Variants in DOCK8 observed in about 807,000 individuals in gnomAD.
DOCK8 encodes the protein dedicator of cytokinesis 8, also known as dedicator of cytokinesis protein 8.
In DOCK8, 141 loss-of-function variants were observed where a neutral mutation model predicts 245.6. The observed-to-expected ratio is 0.57, with a 90% confidence interval of 0.50 to 0.66. The LOEUF (loss-of-function observed/expected upper bound fraction) is 0.66. Ranked by LOEUF, DOCK8 falls within the 30% of genes least tolerant of loss-of-function variation. DOCK8 has a pLI of 0.00. For missense variants in DOCK8, 2,965 were observed against 2,603.4 expected (o/e 1.14, Z -3.02); for synonymous variants, 1,168 against 970.2 (o/e 1.20, Z -3.79).
intron 2 of DOCK8, chr9:273,045 C>T (rs558649244): frequency 2.4e-5 from 24 of 985,280 alleles, no homozygotes; most frequent in African/African-American, 1.9e-4. Context: ...TTCCGGTAAC[C>T]GCCATTTTGT....
chr9:440,466 C>T (rs1343439228), intron 40 of DOCK8, among the ~76,000 whole-genome samples: 2 of 152,160 alleles, frequency 1.3e-5, no homozygotes, highest in Admixed American at 6.5e-5. Context: ...AGTTTCCTCT[C>T]TACAATTTTA....
chr9:350,170 T>G (rs933857708), intron 14 of DOCK8, among the ~76,000 whole-genome samples: 2 of 152,196 alleles, frequency 1.3e-5, no homozygotes, highest in African/African-American at 4.8e-5. Context: ...TGGAGTGCAG[T>G]GGTACGATTC....
chr9:382,464 T>C (rs777293286), intron 21 of DOCK8, 49 bp from the exon 22 acceptor site: 10 of 1,611,044 alleles, frequency 6.2e-6, no homozygotes, highest in African/African-American at 4.0e-5. Flanking sequence ...ACTCAGTAAG[T>C]AACTCTGTTC....
chr9:428,596 A>G, intron 35 of DOCK8, 100 bp downstream of exon 35: 3 of 1,431,120 alleles, frequency 2.1e-6, no homozygotes, highest in Admixed American at 1.8e-5. Context: ...CACAGAGCAT[A>G]TTAAGTGGCA....
In DOCK8 at chr9:418,185, G is replaced by C; in HGVS notation, c.3818G>C (p.Ser1273Thr). The change falls in exon 30 of 48, where the codon AGT (serine) becomes ACT (threonine). Residue 1273 changes from serine to threonine, a missense_variant. Ser to Thr is a moderately conservative substitution (Grantham distance 58). Transcript: ENST00000432829. ...GGGAATAATTTCAATTTGAAAACAAGTGGAATAGTGCTGTCTTCCTTGGTA... is the reference window on the plus strand; with the variant it reads ...GGGAATAATTTCAATTTGAAAACAACTGGAATAGTGCTGTCTTCCTTGGTA... ...IAGNNFNLKT[S>T]GIVLSSLPYK... is the part of the protein sequence containing the mutation. The C allele has an allele frequency of 6.2e-7, 1 of 1,614,232 alleles. No individual in the cohort carries two copies. The highest frequency in any genetic ancestry group is 1.6e-4 in the Middle Eastern group (1 of 6,062).
At chr9:413,184 G>T (rs992351214) in intron 28 of DOCK8, among the ~76,000 whole-genome samples, 1 of 152,146 alleles carries the variant, frequency 6.6e-6, no homozygotes, top group Non-Finnish European at 1.5e-5. Flanking sequence ...AATAAATGGT[G>T]TTGGGACAAC....
chr9:452,178 AC>A, intron 46 of DOCK8, 61 bp downstream of exon 46: 1 of 1,104,074 alleles, frequency 9.1e-7, no homozygotes, highest in Non-Finnish European at 1.4e-6. Flanking sequence ...GCAATCTTAG[AC>A]CAGCAGCTTC....
chr9:223,460 T>G (rs2046926989), intron 1 of DOCK8, among the ~76,000 whole-genome samples: 1 of 152,112 alleles, frequency 6.6e-6, no homozygotes, highest in Admixed American at 6.5e-5. Context: ...AAAGGCACTT[T>G]CCCTGGCCTC....
intron 2 of DOCK8, among the ~76,000 whole-genome samples, chr9:283,169 G>A: frequency 1.3e-5 from 2 of 152,222 alleles, no homozygotes; most frequent in African/African-American, 4.8e-5. Context: ...ATTCCAGATG[G>A]GCCAGTCCCT....
rs2057126095 is a variant in DOCK8 at position 442,561 on chromosome 9, A to G, written c.5490+552A>G. Among the ~76,000 whole-genome samples, 4 of 152,348 alleles carry G rather than the reference A, an allele frequency of 2.6e-5. No individual in the cohort carries two copies. The Middle Eastern group carries it at 0.01, about 389-fold the overall frequency. Reference sequence around the variant, plus strand: ...GACATTTGGTCCATAATACAACAGAAAAGTGTAGCATGTTGTTAGAAGCAA... The same window carrying G: ...GACATTTGGTCCATAATACAACAGAGAAGTGTAGCATGTTGTTAGAAGCAA... On this transcript the variant is annotated intron_variant, in intron 42 of 47. Transcript: ENST00000432829.
intron 26 of DOCK8, among the ~76,000 whole-genome samples, chr9:400,030 A>ACCTCCACCACCACCG (rs1564011657): frequency 1.2e-5 from 1 of 84,006 alleles, no homozygotes; most frequent in Non-Finnish European, 2.2e-5. Context: ...CACCTCCACC[A>ACCTCCACCACCACCG]TCACCACCAC....
At chr9:341,937 G>C (rs147761933) in intron 14 of DOCK8, among the ~76,000 whole-genome samples, 1 of 152,262 alleles carries the variant, frequency 6.6e-6, no homozygotes, top group Middle Eastern at 3.4e-3. Flanking sequence ...TAGGTTGTGC[G>C]CTCCTTATGA....
chr9:421,521 T>C (rs973106199), intron 32 of DOCK8, among the ~76,000 whole-genome samples: 4 of 152,176 alleles, frequency 2.6e-5, no homozygotes, highest in African/African-American at 9.7e-5. Flanking sequence ...TTCCCTGAAA[T>C]GGCTTCAGAG....
In DOCK8 at chr9:465,168, A is replaced by C. The variant is rs545009066; in HGVS notation, c.*949A>C. 7 of 152,808 alleles carry C rather than the reference A, an allele frequency of 4.6e-5. No individual in the cohort carries two copies. Among genetic ancestry groups the C allele is most frequent in the Admixed American group, 2.6e-4 (4 of 15,306 alleles). 9.5% of individuals were successfully genotyped at this position (152,808 alleles called of 1,614,324 possible). A position where few individuals can be genotyped will look rare whatever the true frequency, so the allele number is the denominator to read the frequency against. The stretch of plus-strand genomic sequence containing the variant: ...AGGACTTTAGGAAAAAGAGGAACAA[A>C]GACATTATTTGAGAATTAAATTATA... On this transcript the variant is annotated 3_prime_UTR_variant, in exon 48 of 48. Transcript: ENST00000432829.
chr9:245,289 C>T (rs974790675), intron 1 of DOCK8, among the ~76,000 whole-genome samples: 1 of 152,180 alleles, frequency 6.6e-6, no homozygotes, highest in African/African-American at 2.4e-5. Context: ...ACTGCAACCT[C>T]CACCTCCTGA....
chr9:227,998 GA>G (rs1477409892), intron 1 of DOCK8, among the ~76,000 whole-genome samples: 1 of 152,134 alleles, frequency 6.6e-6, no homozygotes, highest in Non-Finnish European at 1.5e-5. Context: ...GGTGGTCATT[GA>G]AAACCTCTGA....
rs552155528 is a variant in DOCK8, at chr9:309,974, A to G, written c.529-1980A>G. On this transcript the variant is annotated intron_variant, in intron 5 of 47. Coordinates refer to ENST00000432829, the MANE Select transcript of DOCK8 (RefSeq NM_203447.4). ...TTTGTCACCCAGGCTGGATTGCAGAAGAAGTCATCGTGGCCAAGCGTGGTG... is the reference window on the plus strand; with the variant it reads ...TTTGTCACCCAGGCTGGATTGCAGAGGAAGTCATCGTGGCCAAGCGTGGTG... 9.2e-5 allele frequency among the ~76,000 whole-genome samples: 14 copies of G among 152,304 alleles called. 1 individual carries two copies. Among genetic ancestry groups the G allele is most frequent in the African/African-American group, 2.6e-4 (11 of 41,558 alleles).
chr9:268,487 T>A (rs2048085430), intron 1 of DOCK8, among the ~76,000 whole-genome samples: 1 of 152,222 alleles, frequency 6.6e-6, no homozygotes, highest in Admixed American at 6.5e-5. Context: ...GGACAACAGA[T>A]CTTGCTTCAA....
At position 286,585 on chromosome 9, in the gene DOCK8, T is replaced by C. The variant is rs1204128243; in HGVS notation, c.281T>C (p.Val94Ala). ...TTCACTGATGACGACTTGGACGTGGTGTTCACGCCAAAGGAATGTAGGACT... is the reference window on the plus strand; with the variant it reads ...TTCACTGATGACGACTTGGACGTGGCGTTCACGCCAAAGGAATGTAGGACT... ...GDFTDDDLDV[V>A]FTPKECRTLQ... is the part of the protein sequence containing the mutation. Residue 94 changes from valine to alanine, a missense_variant, in exon 3 of 48, where the codon GTG becomes GCG. Val to Ala is a moderately conservative substitution (Grantham distance 64, BLOSUM62 0). Around this residue, in one of 3 missense-constraint regions of DOCK8, gnomAD observed 2,825 missense variants for 2,453.5 expected, o/e 1.15. Coordinates refer to ENST00000432829, the MANE Select transcript of DOCK8 (RefSeq NM_203447.4). 12 of 1,613,948 alleles carry C rather than the reference T, an allele frequency of 7.4e-6. No homozygotes were observed. Among genetic ancestry groups the C allele is most frequent in the African/African-American group, 1.3e-5 (1 of 75,014 alleles).
Sources: allele counts gnomAD v4.1 joint callset (sites outside exome capture counted in the v4.1 genomes callset), GRCh38; gene constraint gnomAD v4.1.1; regional missense constraint gnomAD v4.1.1; transcripts MANE v1.5; gene names NCBI Gene and HGNC (gene_info 2026-07-23, HGNC 2026-07-21).